The following CNTN3 variants were observed in gnomAD, a reference collection of about 807,000 sequenced individuals.
CNTN3 encodes the protein contactin 3.
In CNTN3, 60 loss-of-function variants were observed where a neutral mutation model predicts 119.1. The ratio of observed to expected loss-of-function variants is 0.50; its 90% CI spans 0.41 to 0.62. The LOEUF is 0.62. CNTN3 is among the 20% of genes least tolerant of loss of function. The probability of loss-of-function intolerance (pLI) is 0.00; values close to 1 mark genes in which losing one functional copy is unlikely to be tolerated. For missense variants in CNTN3, 1,101 were observed against 1,242.4 expected (o/e 0.89, Z 1.71); for synonymous variants, 450 against 438.7 (o/e 1.03, Z -0.32).
intron 4 of CNTN3, among the ~76,000 whole-genome samples, chr3:74,473,857 G>C (rs954835814): frequency 7.2e-5 from 11 of 152,196 alleles, no homozygotes; most frequent in African/African-American, 2.7e-4. Context: ...AAGTGTGAGA[G>C]AAGTGCAGGG....
At chr3:74,294,724 C>A (rs1277627463) in intron 19 of CNTN3, among the ~76,000 whole-genome samples, 1 of 151,944 alleles carries the variant, frequency 6.6e-6, no homozygotes, top group Non-Finnish European at 1.5e-5. Context: ...TCTCTAGAGC[C>A]TATAAAAGAA....
At chr3:74,580,825 C>A (rs1704493526) in intron 1 of CNTN3, among the ~76,000 whole-genome samples, 1 of 152,104 alleles carries the variant, frequency 6.6e-6, no homozygotes, top group African/African-American at 2.4e-5. Flanking sequence ...CTCAAGTGAC[C>A]CTCCCACCTC....
At chr3:74,517,183 C>T (rs1441338509) in intron 2 of CNTN3, among the ~76,000 whole-genome samples, 2 of 151,924 alleles carry the variant, frequency 1.3e-5, no homozygotes, top group African/African-American at 4.8e-5. Flanking sequence ...TCAAGATACC[C>T]ACCTTTTTAG....
In CNTN3 at chr3:74,282,283, A is replaced by G. The variant is rs75319087; in HGVS notation, c.2704+3022T>C. Among the ~76,000 whole-genome samples, 246 of 152,360 alleles carry G rather than the reference A, an allele frequency of 1.6e-3. 1 individual carries two copies. Among genetic ancestry groups the G allele is most frequent in the African/African-American group, 5.2e-3 (215 of 41,592 alleles). On this transcript the variant is annotated intron_variant, in intron 20 of 22. Transcript: ENST00000263665. ...TTTACATTAATCAGAAATATCATCT[A>G]AAATCTGTACTGATTTAAAGCCTTG...
intron 11 of CNTN3, among the ~76,000 whole-genome samples, chr3:74,340,220 G>C (rs1703502109): frequency 6.6e-6 from 1 of 152,042 alleles, no homozygotes; most frequent in African/African-American, 2.4e-5. Flanking sequence ...GGGTCTGGTG[G>C]ATATCAAGGA....
chr3:74,554,834 A>T (rs1242880267), intron 1 of CNTN3, among the ~76,000 whole-genome samples: 2 of 152,140 alleles, frequency 1.3e-5, no homozygotes, highest in Non-Finnish European at 1.5e-5. Context: ...GGGTTTTCTA[A>T]ACATACAATC....
chr3:74,589,813 T>C (rs569487790), intron 1 of CNTN3, among the ~76,000 whole-genome samples: 12 of 151,834 alleles, frequency 7.9e-5, no homozygotes, highest in African/African-American at 2.9e-4. Flanking sequence ...TGTAGGGACA[T>C]GGATGAAATT....
rs147900110 is a variant in CNTN3 at position 74,412,776 on chromosome 3, C to T, written c.454+12069G>A. ...TTACTTTCTCCATGGCAATAATCCA[C>T]TGGAGCTGAGTAGCCCATGAACCCT... On this transcript the variant is annotated intron_variant, in intron 5 of 22. Transcript: ENST00000263665. Among the ~76,000 whole-genome samples the T allele has an allele frequency of 8.7e-3, 1,330 of 152,264 alleles. 18 individuals carry two copies. The highest frequency in any genetic ancestry group is 0.031 in the African/African-American group (1,277 of 41,556).
chr3:74,554,441 C>T (rs1453346083), intron 1 of CNTN3, among the ~76,000 whole-genome samples: 1 of 152,058 alleles, frequency 6.6e-6, no homozygotes, highest in Non-Finnish European at 1.5e-5. Context: ...TAGTTTTTTC[C>T]AATTCTGTGA....
intron 5 of CNTN3, among the ~76,000 whole-genome samples, chr3:74,405,923 T>C (rs1705312519): frequency 6.6e-6 from 1 of 152,080 alleles, no homozygotes; most frequent in Non-Finnish European, 1.5e-5. Context: ...ATTTTTGAAT[T>C]ATCCAGGAAG....
At position 74,499,704 on chromosome 3, in the gene CNTN3, A is replaced by AT; in HGVS notation, c.136dup (p.Ile46AsnfsTer6). 2.5e-6 allele frequency: 4 copies of AT among 1,611,590 alleles called. No individual in the cohort carries two copies. The highest frequency in any genetic ancestry group is 1.7e-5 in the Admixed American group (1 of 59,844). ...GCCTCTTGCTTCACAATGCAAAGTT[A>AT]TTTTTTTATCTTCTGAACCAACAGG... On this transcript the variant is annotated frameshift_variant, in exon 3 of 23. Transcript: ENST00000263665. LOFTEE classifies it high-confidence loss of function.
intron 13 of CNTN3, among the ~76,000 whole-genome samples, chr3:74,317,725 T>C (rs1475329136): frequency 3.3e-5 from 5 of 152,208 alleles, no homozygotes; most frequent in Non-Finnish European, 7.3e-5. Context: ...TCTGATGGGC[T>C]TCCCTTTGTG....
intron 5 of CNTN3, among the ~76,000 whole-genome samples, chr3:74,371,624 G>C (rs1275811194): frequency 1.3e-5 from 2 of 152,050 alleles, no homozygotes; most frequent in Non-Finnish European, 2.9e-5. Context: ...TATTATTACT[G>C]TCATAATATC....
intron 8 of CNTN3, 56 bp from the exon 9 acceptor site, chr3:74,365,758 T>C (rs1055800269): frequency 9.0e-6 from 14 of 1,559,922 alleles, no homozygotes; most frequent in Non-Finnish European, 8.7e-7. Flanking sequence ...GCAAATAAAA[T>C]GTATTTATTA....
chr3:74,525,158 G>A (rs1419969978), intron 1 of CNTN3, among the ~76,000 whole-genome samples: 1 of 151,670 alleles, frequency 6.6e-6, no homozygotes, highest in Non-Finnish European at 1.5e-5. Context: ...AACACATTTT[G>A]CAACATACCA....
intron 1 of CNTN3, among the ~76,000 whole-genome samples, chr3:74,568,984 G>C (rs1417268945): frequency 6.6e-6 from 1 of 152,172 alleles, no homozygotes; most frequent in African/African-American, 2.4e-5. Flanking sequence ...ACCTTGATGG[G>C]TGGATAAAGC....
chr3:74,456,379 T>A (rs1702269652), intron 4 of CNTN3, among the ~76,000 whole-genome samples: 1 of 152,026 alleles, frequency 6.6e-6, no homozygotes. Context: ...AAATGTGAAA[T>A]CTAGGGAATC....
chr3:74,295,133 T>C lies in CNTN3; in HGVS notation c.2505A>G (p.Leu835=), dbSNP rs998495610. ...TIPWKLSNGH[L]LGYEVRYWNG... is the part of the protein sequence containing the mutation. ...GAAAAGAAATTACCTCATAGCCCAGTAAATGTCCATTGCTCAACTTCCAAG... is the reference window on the plus strand; with the variant it reads ...GAAAAGAAATTACCTCATAGCCCAGCAAATGTCCATTGCTCAACTTCCAAG... The change falls in exon 19 of 23, where the codon TTA becomes TTG. Residue 835 remains leucine, a synonymous_variant. Coordinates refer to ENST00000263665, the MANE Select transcript of CNTN3 (RefSeq NM_020872.3). 8.7e-6 allele frequency: 14 copies of C among 1,605,014 alleles called. No homozygotes were observed. The highest frequency in any genetic ancestry group is 1.2e-5 in the Non-Finnish European group (14 of 1,172,014).
At chr3:74,420,604 A>G (rs1701601677) in intron 5 of CNTN3, among the ~76,000 whole-genome samples, 1 of 152,202 alleles carries the variant, frequency 6.6e-6, no homozygotes, top group Non-Finnish European at 1.5e-5. Context: ...GGAAAATTAA[A>G]ACAAAACCAT....
Sources: gnomAD v4.1 joint callset for allele counts (sites outside exome capture counted in the v4.1 genomes callset) on GRCh38, gnomAD v4.1.1 for gene constraint, MANE v1.5 for transcripts, NCBI Gene and HGNC (gene_info 2026-07-23, HGNC 2026-07-21) for gene names.